Variants in PPP3CA observed in about 807,000 individuals in gnomAD.
The protein encoded by PPP3CA is CAM-PRP catalytic subunit.
PPP3CA carries 14 observed loss-of-function variants against 66.5 expected under a neutral mutation model. The observed-to-expected ratio is 0.21, with a 90% CI of 0.14 to 0.33. The LOEUF (loss-of-function observed/expected upper bound fraction) is 0.33, where lower values mean the gene tolerates loss of function less well. PPP3CA is among the 10% of genes least tolerant of loss of function. The probability of loss-of-function intolerance (pLI) is 1.00; values close to 1 mark genes in which losing one functional copy is unlikely to be tolerated. For missense variants in PPP3CA, 317 were observed against 639.5 expected, an observed-to-expected ratio of 0.50 and a Z score of 5.44; for synonymous variants, 232 against 226.2, an observed-to-expected ratio of 1.03 and a Z score of -0.23.
intron 1 of PPP3CA, among the ~76,000 whole-genome samples, chr4:101,322,049 C>T (rs534049456): frequency 6.7e-4 from 102 of 152,234 alleles, no homozygotes; most frequent in African/African-American, 2.4e-3. Context: ...CAAATGAGCT[C>T]TTTTGAACAT....
At chr4:101,037,151 C>G (rs959008003) in intron 11 of PPP3CA, among the ~76,000 whole-genome samples, 1 of 152,170 alleles carries the variant, frequency 6.6e-6, no homozygotes, top group Non-Finnish European at 1.5e-5. Context: ...CAGCCAATGC[C>G]AGAGCTCATA....
At chr4:101,270,018 T>C (rs1727288258) in intron 1 of PPP3CA, among the ~76,000 whole-genome samples, 1 of 152,140 alleles carries the variant, frequency 6.6e-6, no homozygotes, top group Admixed American at 6.6e-5. Flanking sequence ...ATTAAGGGCA[T>C]ATAACATGTG....
At chr4:101,175,740 A>C (rs2110319266) in intron 2 of PPP3CA, among the ~76,000 whole-genome samples, 1 of 152,302 alleles carries the variant, frequency 6.6e-6, no homozygotes, top group East Asian at 1.9e-4. Context: ...TTGGTGTATG[A>C]AACATCTTCT....
At chr4:101,124,390 G>A (rs1452545073) in intron 2 of PPP3CA, among the ~76,000 whole-genome samples, 1 of 152,082 alleles carries the variant, frequency 6.6e-6, no homozygotes, top group African/African-American at 2.4e-5. Context: ...GGAGGCCAAG[G>A]TGGAAAGATC....
chr4:101,224,626 G>A (rs1725724533), intron 1 of PPP3CA, among the ~76,000 whole-genome samples: 1 of 151,662 alleles, frequency 6.6e-6, no homozygotes, highest in African/African-American at 2.4e-5. Context: ...ACCTGAAGCT[G>A]GACTTTGAAA....
chr4:101,188,516 ATAT>A (rs2110182499), intron 2 of PPP3CA, among the ~76,000 whole-genome samples: 1 of 152,280 alleles, frequency 6.6e-6, no homozygotes, highest in East Asian at 1.9e-4. Flanking sequence ...TTTGCTATAA[ATAT>A]TATTTTCATA....
chr4:101,116,230 T>C (rs969574253), intron 2 of PPP3CA, among the ~76,000 whole-genome samples: 1 of 151,956 alleles, frequency 6.6e-6, no homozygotes, highest in Admixed American at 6.6e-5. Flanking sequence ...CTGAATCGTT[T>C]AGCAATTTTC....
At chr4:101,261,737 T>C (rs1372639711) in intron 1 of PPP3CA, among the ~76,000 whole-genome samples, 4 of 152,092 alleles carry the variant, frequency 2.6e-5, no homozygotes, top group African/African-American at 9.7e-5. Context: ...TAATTAACTG[T>C]GAGCTCTGCA....
intron 2 of PPP3CA, among the ~76,000 whole-genome samples, chr4:101,115,967 T>C (rs1211389732): frequency 2.0e-5 from 3 of 151,952 alleles, no homozygotes; most frequent in Admixed American, 6.6e-5. Context: ...AAACTGCAAA[T>C]GAAAACTAGA....
chr4:101,083,239 T>C lies in PPP3CA; in HGVS notation c.807A>G (p.Leu269=), dbSNP rs190755531. 2 of 1,609,350 alleles carry C rather than the reference T, an allele frequency of 1.2e-6. No homozygotes were observed. Among genetic ancestry groups the C allele is most frequent in the African/African-American group, 1.3e-5 (1 of 74,826 alleles). ...FYSYPAVCEF[L]QHNNLLSILR... ...GTATAGATAACAAGTTATTGTGCTG[T>C]AAGAATTCACATACAGCCGGGTAAC... is the stretch of plus-strand genomic sequence containing the variant. Residue 269 remains leucine (L), a synonymous_variant, in exon 7 of 14, where the codon TTA becomes TTG. Coordinates refer to ENST00000394854, the MANE Select transcript of PPP3CA (RefSeq NM_000944.5).
intron 1 of PPP3CA, among the ~76,000 whole-genome samples, chr4:101,287,755 T>C (rs566662664): frequency 7.6e-4 from 106 of 140,382 alleles, no homozygotes; most frequent in African/African-American, 2.5e-3. Flanking sequence ...GCTAGTGTTC[T>C]ATTAACCTCT....
chr4:101,159,996 C>T (rs760772806), intron 2 of PPP3CA, among the ~76,000 whole-genome samples: 11 of 151,648 alleles, frequency 7.3e-5, no homozygotes, highest in Non-Finnish European at 1.6e-4. Flanking sequence ...GAAAATAGCC[C>T]AATAGAAAAA....
At chr4:101,060,010 C>T (rs1275865323) in intron 10 of PPP3CA, among the ~76,000 whole-genome samples, 6 of 152,032 alleles carry the variant, frequency 3.9e-5, no homozygotes, top group East Asian at 1.9e-4. Flanking sequence ...AGTATAGATG[C>T]AACTTTTTCT....
At chr4:101,232,787 A>G (rs1231330122) in intron 1 of PPP3CA, among the ~76,000 whole-genome samples, 1 of 151,724 alleles carries the variant, frequency 6.6e-6, no homozygotes, top group African/African-American at 2.4e-5. Flanking sequence ...ATAAAAACAT[A>G]CTATTATTAT....
At chr4:101,326,856 C>A (rs181128567) in intron 1 of PPP3CA, among the ~76,000 whole-genome samples, 1 of 152,294 alleles carries the variant, frequency 6.6e-6, no homozygotes, top group East Asian at 1.9e-4. Context: ...AGAAAAGAAA[C>A]CTCTTAAATA....
At chr4:101,144,317 C>T (rs1037242631) in intron 2 of PPP3CA, among the ~76,000 whole-genome samples, 7 of 152,172 alleles carry the variant, frequency 4.6e-5, no homozygotes, top group African/African-American at 1.4e-4. Flanking sequence ...TTATCCTTAG[C>T]ATAGGGGACT....
chr4:101,250,650 T>C (rs1302245216), intron 1 of PPP3CA, among the ~76,000 whole-genome samples: 1 of 152,188 alleles, frequency 6.6e-6, no homozygotes, highest in Non-Finnish European at 1.5e-5. Context: ...ATTAAAACTG[T>C]AACTTTTACC....
chr4:101,212,495 GA>G (rs1725327736), intron 1 of PPP3CA, among the ~76,000 whole-genome samples: 1 of 152,110 alleles, frequency 6.6e-6, no homozygotes, highest in Non-Finnish European at 1.5e-5. Context: ...GCATCAGGTA[GA>G]ATAGCTAATG....
chr4:101,174,442 A>G (rs1275361522), intron 2 of PPP3CA, among the ~76,000 whole-genome samples: 3 of 152,292 alleles, frequency 2.0e-5, no homozygotes, highest in Non-Finnish European at 2.9e-5. Context: ...ATCGTTTTGT[A>G]TTTATGTATT....
Sources: allele counts gnomAD v4.1 joint callset (sites outside exome capture counted in the v4.1 genomes callset), GRCh38; gene constraint gnomAD v4.1.1; transcripts MANE v1.5; gene names NCBI Gene and HGNC (gene_info 2026-07-23, HGNC 2026-07-21).